The following PARD3 variants were observed in gnomAD, a reference collection of about 807,000 sequenced individuals.
The protein encoded by PARD3 is par-3 family cell polarity regulator.
Under a neutral mutation model 155.4 loss-of-function variants are expected in PARD3, and 75 were observed. That is an observed-to-expected ratio of 0.48 (90% CI 0.40 to 0.58). The LOEUF is 0.58. PARD3 is among the 20% of genes least tolerant of loss of function. PARD3 has a pLI of 0.00. For missense variants in PARD3, 1,642 were observed against 1,721.7 expected (o/e 0.95, Z 0.82); for synonymous variants, 576 against 610.5 (o/e 0.94, Z 0.83).
intron 3 of PARD3, among the ~76,000 whole-genome samples, chr10:34,505,724 T>A (rs1419656046): frequency 1.3e-5 from 2 of 152,212 alleles, no homozygotes; most frequent in Admixed American, 6.5e-5. Flanking sequence ...CAGTTACTAT[T>A]ATAAAGTGTA....
intron 1 of PARD3, among the ~76,000 whole-genome samples, chr10:34,736,094 C>A (rs149594107): frequency 7.0e-6 from 1 of 143,824 alleles, no homozygotes; most frequent in Non-Finnish European, 1.5e-5. Context: ...TGCAGTGGCG[C>A]GATCTCGGCT....
chr10:34,588,692 C>T (rs2088342441), intron 2 of PARD3, among the ~76,000 whole-genome samples: 1 of 152,144 alleles, frequency 6.6e-6, no homozygotes, highest in Non-Finnish European at 1.5e-5. Flanking sequence ...TGCTGCAATC[C>T]CGTTAGTGTT....
chr10:34,390,105 C>G (rs576283216), intron 7 of PARD3, among the ~76,000 whole-genome samples: 2 of 151,874 alleles, frequency 1.3e-5, no homozygotes, highest in Non-Finnish European at 2.9e-5. Flanking sequence ...AGTTAAATTG[C>G]GTTTTTTTCA....
At chr10:34,145,219 A>AT (rs1482241627) in intron 22 of PARD3, among the ~76,000 whole-genome samples, 9 of 53,524 alleles carry the variant, frequency 1.7e-4, no homozygotes, top group Admixed American at 2.1e-4. Context: ...ATATATATAT[A>AT]TATTTTTTTT....
intron 1 of PARD3, among the ~76,000 whole-genome samples, chr10:34,714,525 G>T (rs2094490383): frequency 6.6e-6 from 1 of 152,098 alleles, no homozygotes. Flanking sequence ...GCCCCTAAGG[G>T]GTGGATGCCA....
chr10:34,804,224 A>G (rs1373127524), intron 1 of PARD3, among the ~76,000 whole-genome samples: 1 of 152,002 alleles, frequency 6.6e-6, no homozygotes, highest in Non-Finnish European at 1.5e-5. Flanking sequence ...TTTAATAGAG[A>G]TGGGGTTTTG....
intron 17 of PARD3, 68 bp from the exon 18 acceptor site, chr10:34,336,311 C>T: frequency 1.7e-6 from 2 of 1,188,038 alleles, no homozygotes; most frequent in Non-Finnish European, 2.5e-6. Flanking sequence ...TTCCACCATT[C>T]CCAGATCTTT....
chr10:34,355,924 C>CAAAAAAAAAAA (rs869284165), intron 14 of PARD3, among the ~76,000 whole-genome samples: 122 of 42,240 alleles, frequency 2.9e-3, no homozygotes, highest in South Asian at 4.5e-3. Context: ...CACTCCGTCT[C>CAAAAAAAAAAA]AAAAAAAAAA....
intron 2 of PARD3, among the ~76,000 whole-genome samples, chr10:34,579,554 C>CTG (rs554959827): frequency 0.18 from 21,718 of 122,342 alleles, 1,637 homozygotes; most frequent in Non-Finnish European, 0.22. Flanking sequence ...ACCATTTTCT[C>CTG]TGTGTGTGTG....
chr10:34,246,561 C>T (rs1324978417), intron 22 of PARD3, among the ~76,000 whole-genome samples: 1 of 152,128 alleles, frequency 6.6e-6, no homozygotes, highest in Admixed American at 6.5e-5. Context: ...GAGGAGAGAA[C>T]TACACAGAGA....
chr10:34,608,281 C>T (rs2090617991), intron 2 of PARD3, among the ~76,000 whole-genome samples: 1 of 152,176 alleles, frequency 6.6e-6, no homozygotes, highest in African/African-American at 2.4e-5. Context: ...CTCGCTCTTC[C>T]ACAATTACTA....
intron 1 of PARD3, among the ~76,000 whole-genome samples, chr10:34,741,573 T>C (rs11599163): frequency 0.28 from 42,269 of 152,118 alleles, 7,216 homozygotes; most frequent in Non-Finnish European, 0.38. Context: ...CACCAATCCA[T>C]GCAGAAGCGA....
intron 2 of PARD3, among the ~76,000 whole-genome samples, chr10:34,644,350 TTCATACAAGCAGCA>T (rs1244908381): frequency 1.3e-5 from 2 of 152,204 alleles, no homozygotes; most frequent in African/African-American, 2.4e-5. Flanking sequence ...TTAAAACTGC[TTCATACAAGCAGCA>T]GCTAAATCCC....
intron 2 of PARD3, among the ~76,000 whole-genome samples, chr10:34,665,938 G>A (rs1167693439): frequency 1.4e-5 from 2 of 145,054 alleles, no homozygotes; most frequent in East Asian, 1.9e-4. Flanking sequence ...TTAGATTCTA[G>A]GCCAGGCGTT....
At chr10:34,371,393 G>GT (rs1840594618) in intron 12 of PARD3, among the ~76,000 whole-genome samples, 3 of 147,354 alleles carry the variant, frequency 2.0e-5, no homozygotes. Flanking sequence ...TTTGTCACCT[G>GT]TTTTTAGAAT....
intron 2 of PARD3, among the ~76,000 whole-genome samples, chr10:34,635,581 T>C (rs1255700008): frequency 6.6e-6 from 1 of 152,222 alleles, no homozygotes; most frequent in African/African-American, 2.4e-5. Flanking sequence ...TATATGCCTA[T>C]GACTCTGAAC....
chr10:34,602,771 T>C (rs2089905416), intron 2 of PARD3, among the ~76,000 whole-genome samples: 1 of 152,244 alleles, frequency 6.6e-6, no homozygotes, highest in Non-Finnish European at 1.5e-5. Context: ...GAAAGTGTTC[T>C]GTATCTTCAT....
At chr10:34,268,998 CCA>C (rs1251524345) in intron 22 of PARD3, among the ~76,000 whole-genome samples, 46 of 151,868 alleles carry the variant, frequency 3.0e-4, no homozygotes. Context: ...GAGGAATACC[CCA>C]AATATCCTGA....
At chr10:34,522,893 A>G (rs1170187436) in intron 2 of PARD3, among the ~76,000 whole-genome samples, 3 of 152,208 alleles carry the variant, frequency 2.0e-5, no homozygotes, top group Non-Finnish European at 4.4e-5. Flanking sequence ...CAAAGATCCT[A>G]TTTTCTCCAA....
Sources: gnomAD v4.1 joint callset for allele counts (sites outside exome capture counted in the v4.1 genomes callset) on GRCh38, gnomAD v4.1.1 for gene constraint, MANE v1.5 for transcripts, NCBI Gene and HGNC (gene_info 2026-07-23, HGNC 2026-07-21) for gene names.